Variants in MCPH1 observed in about 807,000 individuals in gnomAD.
MCPH1 encodes microcephalin.
MCPH1 carries 104 observed loss-of-function variants against 84.5 expected under a neutral mutation model. The observed-to-expected ratio is 1.23, with a 90% CI of 1.05 to 1.45. MCPH1 has a LOEUF of 1.45. MCPH1 is among the 40% of genes most tolerant of loss of function. The probability of loss-of-function intolerance (pLI) is 0.00; values close to 1 mark genes in which losing one functional copy is unlikely to be tolerated. For synonymous variants in MCPH1, 514 were observed against 366.8 expected, an observed-to-expected ratio of 1.40 and a Z score of -4.58; for missense variants, 1,498 against 1,005.7, an observed-to-expected ratio of 1.49 and a Z score of -6.62.
Position 6,444,960 on chromosome 8 carries a change from A to G in MCPH1, c.1238A>G (p.Asp413Gly), listed in dbSNP as rs776433942. 5 of 1,614,054 alleles carry G rather than the reference A, an allele frequency of 3.1e-6. No individual in the cohort carries two copies. Among genetic ancestry groups the G allele is most frequent in the African/African-American group, 1.3e-5 (1 of 74,906 alleles). Residue 413 changes from aspartate (D) to glycine (G), a missense_variant, in exon 8 of 14, where the codon GAT becomes GGT. Transcript: ENST00000344683. ...EALSCGESSY[D>G]DYFSPDNLKE... ...CTTAGCTGTGGGGAGTCTTCATATGATGACTATTTTTCACCTGATAATCTT... is the reference window on the plus strand; with the variant it reads ...CTTAGCTGTGGGGAGTCTTCATATGGTGACTATTTTTCACCTGATAATCTT...
intron 3 of MCPH1, among the ~76,000 whole-genome samples, chr8:6,423,808 G>C (rs1028997554): frequency 6.6e-6 from 1 of 152,016 alleles, no homozygotes; most frequent in African/African-American, 2.4e-5. Context: ...ATTCTCACTG[G>C]AATTATCAAA....
intron 11 of MCPH1, among the ~76,000 whole-genome samples, chr8:6,490,873 A>G (rs2979659): frequency 0.073 from 11,099 of 151,800 alleles, 1,038 homozygotes; most frequent in African/African-American, 0.21. Flanking sequence ...TTTCTGAAAG[A>G]AAGTTTCTCT....
intron 12 of MCPH1, among the ~76,000 whole-genome samples, chr8:6,590,467 T>C (rs1226618645): frequency 6.6e-6 from 1 of 151,990 alleles, no homozygotes. Flanking sequence ...GCTGAGGAGG[T>C]TGGCAGTTTC....
intron 12 of MCPH1, among the ~76,000 whole-genome samples, chr8:6,588,165 G>A (rs1828145383): frequency 6.6e-6 from 1 of 152,066 alleles, no homozygotes; most frequent in African/African-American, 2.4e-5. Flanking sequence ...CTGACACTGG[G>A]GCCAGATGGG....
intron 11 of MCPH1, chr8:6,494,388 T>G (rs1352915356): frequency 6.6e-6 from 1 of 152,216 alleles, no homozygotes; most frequent in East Asian, 1.9e-4. Flanking sequence ...ATGGCCTGTG[T>G]GTTTTGAAAA....
intron 12 of MCPH1, among the ~76,000 whole-genome samples, chr8:6,517,921 T>C (rs1816585375): frequency 6.6e-6 from 1 of 152,246 alleles, no homozygotes. Context: ...AATTGAGGTT[T>C]GTGAAAGCTT....
At chr8:6,635,691 A>C (rs1249432881) in intron 13 of MCPH1, among the ~76,000 whole-genome samples, 1 of 152,238 alleles carries the variant, frequency 6.6e-6, no homozygotes, top group Non-Finnish European at 1.5e-5. Context: ...GACCATTGTT[A>C]GTGGTGCAGA....
intron 8 of MCPH1, chr8:6,447,139 C>G (rs1026696375): frequency 1.0e-6 from 1 of 985,420 alleles, no homozygotes; most frequent in Non-Finnish European, 1.2e-6. Context: ...CATAAAAAGA[C>G]CTACATGTTG....
At chr8:6,480,237 G>T (rs971571862) in intron 10 of MCPH1, among the ~76,000 whole-genome samples, 47 of 151,536 alleles carry the variant, frequency 3.1e-4, no homozygotes, top group Admixed American at 3.1e-3. Context: ...TATTCTGTCT[G>T]CCTCAGCCTC....
chr8:6,550,231 G>A (rs1261472857), intron 12 of MCPH1, among the ~76,000 whole-genome samples: 1 of 152,248 alleles, frequency 6.6e-6, no homozygotes, highest in Non-Finnish European at 1.5e-5. Context: ...AGGTGGCTGC[G>A]AAGGGTGGCG....
chr8:6,602,280 C>T (rs902103847), intron 12 of MCPH1, among the ~76,000 whole-genome samples: 1 of 152,190 alleles, frequency 6.6e-6, no homozygotes, highest in African/African-American at 2.4e-5. Context: ...CTTTGTCTGG[C>T]ACGGGCTGGA....
rs142101611 is a variant in MCPH1 at position 6,428,719 on chromosome 8, G to A, written c.234-2780G>A. Among the ~76,000 whole-genome samples the A allele has an allele frequency of 3.3e-3, 495 of 152,018 alleles. 1 individual carries two copies. The highest frequency in any genetic ancestry group is 0.01 in the Middle Eastern group (3 of 294). ...TCATTTCTTTTTATGGTGGAATCAT[G>A]TTCCATTGTATGGACACGTGCGCAC... On this transcript the variant is annotated intron_variant, in intron 3 of 13. Coordinates refer to ENST00000344683, the MANE Select transcript of MCPH1 (RefSeq NM_024596.5).
intron 9 of MCPH1, among the ~76,000 whole-genome samples, chr8:6,476,246 T>C (rs1202520733): frequency 6.6e-6 from 1 of 152,012 alleles, no homozygotes; most frequent in Admixed American, 6.6e-5. Context: ...CTGGCCAACA[T>C]GGTGGAACCC....
At chr8:6,621,714 GC>G in intron 13 of MCPH1, 23 bp downstream of exon 13, 1 of 1,613,854 alleles carries the variant, frequency 6.2e-7, no homozygotes, top group Non-Finnish European at 8.5e-7. Flanking sequence ...GCACACAGAC[GC>G]TGTGGTGTGG....
At chr8:6,503,360 C>T (rs1812581628) in intron 12 of MCPH1, 5 of 1,269,862 alleles carry the variant, frequency 3.9e-6, no homozygotes, top group South Asian at 1.3e-5. Flanking sequence ...ACACTGCAGG[C>T]GTGTGGAGTA....
At chr8:6,409,747 A>C (rs573505434) in intron 2 of MCPH1, among the ~76,000 whole-genome samples, 2 of 152,284 alleles carry the variant, frequency 1.3e-5, no homozygotes, top group South Asian at 4.1e-4. Flanking sequence ...TGGAGCTTGG[A>C]GTGTTCAAGG....
At chr8:6,460,149 G>T (rs1284000621) in intron 9 of MCPH1, among the ~76,000 whole-genome samples, 1 of 151,530 alleles carries the variant, frequency 6.6e-6, no homozygotes, top group Non-Finnish European at 1.5e-5. Context: ...GTTTTCTCAC[G>T]CCTCCATTGC....
At chr8:6,534,309 C>A (rs1820109762) in intron 12 of MCPH1, among the ~76,000 whole-genome samples, 1 of 152,102 alleles carries the variant, frequency 6.6e-6, no homozygotes, top group Non-Finnish European at 1.5e-5. Context: ...TTCTAAGCAA[C>A]CTCGAGATGA....
chr8:6,618,046 A>T (rs1831029362), intron 12 of MCPH1, among the ~76,000 whole-genome samples: 1 of 152,180 alleles, frequency 6.6e-6, no homozygotes, highest in South Asian at 2.1e-4. Flanking sequence ...TGCTGGGATT[A>T]CAGGTGTTAG....
Sources: gnomAD v4.1 joint callset for allele counts (sites outside exome capture counted in the v4.1 genomes callset) on GRCh38, gnomAD v4.1.1 for gene constraint, MANE v1.5 for transcripts, NCBI Gene and HGNC (gene_info 2026-07-23, HGNC 2026-07-21) for gene names.